Variants in ARHGAP26 observed in about 807,000 individuals in gnomAD.
The protein encoded by ARHGAP26 is Rho GTPase activating protein 26, also known as rho GTPase-activating protein 26.
ARHGAP26 carries 38 observed loss-of-function variants against 104.8 expected under a neutral mutation model. That is an observed-to-expected ratio of 0.36 (90% confidence interval 0.28 to 0.48). The LOEUF is 0.48. ARHGAP26 is among the 20% of genes least tolerant of loss of function. The pLI is 0.99. For synonymous variants in ARHGAP26, 341 were observed against 340.0 expected (o/e 1.00, Z -0.03); for missense variants, 704 against 947.9 (o/e 0.74, Z 3.38).
intron 20 of ARHGAP26, among the ~76,000 whole-genome samples, chr5:143,201,126 G>A (rs1247790082): frequency 6.6e-6 from 1 of 152,210 alleles, no homozygotes; most frequent in Non-Finnish European, 1.5e-5. Flanking sequence ...GACACTGTGG[G>A]CCAGCAAACT....
intron 18 of ARHGAP26, among the ~76,000 whole-genome samples, chr5:143,122,855 G>T (rs893564048): frequency 6.6e-6 from 1 of 152,142 alleles, no homozygotes; most frequent in Non-Finnish European, 1.5e-5. Context: ...ACTGCATTTT[G>T]ATTTGGTCTC....
intron 20 of ARHGAP26, among the ~76,000 whole-genome samples, chr5:143,172,667 G>A (rs758769181): frequency 3.3e-5 from 5 of 152,222 alleles, no homozygotes; most frequent in Non-Finnish European, 7.3e-5. Context: ...TTAAGCTGAA[G>A]TATTGAAAGG....
chr5:142,875,255 C>G (rs1755920678), intron 3 of ARHGAP26, 84 bp downstream of exon 3: 2 of 1,296,996 alleles, frequency 1.5e-6, no homozygotes, highest in Admixed American at 1.7e-5. Flanking sequence ...GAACTAGATT[C>G]AAATCCAGAC....
At chr5:142,773,489 C>T (rs1369847328) in intron 1 of ARHGAP26, among the ~76,000 whole-genome samples, 1 of 152,206 alleles carries the variant, frequency 6.6e-6, no homozygotes, top group Non-Finnish European at 1.5e-5. Flanking sequence ...ATTACTTCCA[C>T]TTTATGAATG....
At chr5:143,023,604 C>T (rs993617807) in intron 12 of ARHGAP26, among the ~76,000 whole-genome samples, 5 of 152,204 alleles carry the variant, frequency 3.3e-5, no homozygotes, top group Non-Finnish European at 5.9e-5. Flanking sequence ...AGGCAGCCAC[C>T]GGTAACCAGG....
intron 22 of ARHGAP26, chr5:143,216,308 G>A (rs1312483275): frequency 2.1e-6 from 1 of 470,792 alleles, no homozygotes; most frequent in African/African-American, 2.0e-5. Context: ...TGCTCTTGCT[G>A]CCATAACCCC....
chr5:142,784,911 C>G (rs1282758737), intron 1 of ARHGAP26, among the ~76,000 whole-genome samples: 4 of 151,214 alleles, frequency 2.6e-5, no homozygotes, highest in African/African-American at 9.8e-5. Context: ...CCTAGGCAAC[C>G]ACTTCCTTAG....
intron 20 of ARHGAP26, among the ~76,000 whole-genome samples, chr5:143,197,225 GTA>G (rs1807012545): frequency 1.3e-5 from 2 of 152,144 alleles, no homozygotes; most frequent in Non-Finnish European, 2.9e-5. Flanking sequence ...TCTCTGGGGT[GTA>G]TGTCTAGCAA....
intron 1 of ARHGAP26, among the ~76,000 whole-genome samples, chr5:142,855,500 G>C (rs1192262190): frequency 6.6e-6 from 1 of 152,088 alleles, no homozygotes; most frequent in African/African-American, 2.4e-5. Context: ...CCTTCCATCT[G>C]CCCATCATTA....
rs1779043693 is a variant in ARHGAP26 at position 143,012,578 on chromosome 5, A to AGG, written c.1108-1502_1108-1501insGG. Among the ~76,000 whole-genome samples the AGG allele has an allele frequency of 1.4e-3, 23 of 16,338 alleles. 4 individuals are homozygous for AGG. Among genetic ancestry groups the AGG allele is most frequent in the East Asian group, 9.4e-3 (12 of 1,274 alleles). 10.7% of individuals were successfully genotyped at this position (16,338 alleles called of 152,430 possible). ...ATATATATATATATATATATATATT[A>AGG]TGATCAGGTTCACCTTATGCCTTTC... On this transcript the variant is annotated intron_variant, in intron 11 of 22. Transcript: ENST00000645722.
chr5:142,794,692 TAGG>T (rs1472721414), intron 1 of ARHGAP26, among the ~76,000 whole-genome samples: 1 of 152,020 alleles, frequency 6.6e-6, no homozygotes, highest in African/African-American at 2.4e-5. Flanking sequence ...GTCAGGCAGA[TAGG>T]AGGGAGAGAG....
chr5:142,963,172 G>GTATATATATA (rs58576577), intron 11 of ARHGAP26, among the ~76,000 whole-genome samples: 303 of 88,876 alleles, frequency 3.4e-3, no homozygotes, highest in Non-Finnish European at 5.1e-3. Flanking sequence ...TGGTATATAT[G>GTATATATATA]TATATATATA....
chr5:142,999,540 C>T (rs1402220074), intron 11 of ARHGAP26, among the ~76,000 whole-genome samples: 2 of 151,994 alleles, frequency 1.3e-5, no homozygotes, highest in African/African-American at 4.8e-5. Context: ...GACTCAGAAG[C>T]ACCTCTAAAT....
At chr5:143,203,927 G>A (rs186717888) in intron 20 of ARHGAP26, among the ~76,000 whole-genome samples, 78 of 152,186 alleles carry the variant, frequency 5.1e-4, no homozygotes, top group African/African-American at 1.7e-3. Flanking sequence ...AGGGGGTAGG[G>A]GGCTAGGGGA....
chr5:143,181,036 A>T (rs1804262040), intron 20 of ARHGAP26, among the ~76,000 whole-genome samples: 1 of 152,094 alleles, frequency 6.6e-6, no homozygotes, highest in South Asian at 2.1e-4. Flanking sequence ...AATGATCAAG[A>T]CCTGTTGATT....
chr5:143,134,386 A>G (rs1300925705), intron 19 of ARHGAP26, among the ~76,000 whole-genome samples: 1 of 152,174 alleles, frequency 6.6e-6, no homozygotes, highest in Non-Finnish European at 1.5e-5. Flanking sequence ...CTCCTACACA[A>G]TAAGAGCTGA....
intron 1 of ARHGAP26, chr5:142,771,260 T>A: frequency 8.0e-7 from 1 of 1,250,030 alleles, no homozygotes; most frequent in Non-Finnish European, 1.0e-6. Flanking sequence ...AGCGGGCAGA[T>A]CCCATCGTGT....
intron 20 of ARHGAP26, among the ~76,000 whole-genome samples, chr5:143,152,013 T>C (rs1425749133): frequency 1.3e-5 from 2 of 152,136 alleles, no homozygotes; most frequent in Non-Finnish European, 2.9e-5. Context: ...ACTATATGGC[T>C]TTCTGGAACA....
intron 1 of ARHGAP26, among the ~76,000 whole-genome samples, chr5:142,804,590 C>G (rs1416579434): frequency 6.6e-6 from 1 of 152,126 alleles, no homozygotes; most frequent in Non-Finnish European, 1.5e-5. Flanking sequence ...CTCCTGGGTT[C>G]AAGCAATTCT....
Sources: allele counts gnomAD v4.1 joint callset (sites outside exome capture counted in the v4.1 genomes callset), GRCh38; gene constraint gnomAD v4.1.1; transcripts MANE v1.5; gene names NCBI Gene and HGNC (gene_info 2026-07-23, HGNC 2026-07-21).